HELLS: variants seen among roughly 807,000 people sequenced by gnomAD.
HELLS encodes helicase, lymphoid specific, also known as lymphoid-specific helicase.
HELLS carries 32 observed loss-of-function variants against 120.0 expected under a neutral mutation model. The ratio of observed to expected loss-of-function variants is 0.27; its 90% CI spans 0.20 to 0.36. HELLS has a LOEUF of 0.36. Ranked by LOEUF, HELLS falls within the 10% of genes least tolerant of loss-of-function variation. HELLS has a pLI of 1.00. For synonymous variants in HELLS, 341 were observed against 323.4 expected, an observed-to-expected ratio of 1.05 and a Z score of -0.58; for missense variants, 650 against 993.4, an observed-to-expected ratio of 0.65 and a Z score of 4.65.
chr10:94,576,682 T>C lies in HELLS; in HGVS notation c.909T>C (p.His303=). The change falls in exon 10 of 22, where the codon CAT becomes CAC. Residue 303 remains histidine (H), a synonymous_variant. Coordinates refer to ENST00000348459, the MANE Select transcript of HELLS (RefSeq NM_018063.5). The stretch of plus-strand genomic sequence containing the variant: ...TTCAGATCCCTACAATGTTATATCA[T>C]GGAACCCAGGAGGAACGTCAAAAAT... ...FTPDIPTMLY[H]GTQEERQKLV... is the part of the protein sequence containing the mutation. The C allele has an allele frequency of 6.2e-7, 1 of 1,604,106 alleles. No individual in the cohort carries two copies. Among genetic ancestry groups the C allele is most frequent in the Non-Finnish European group, 8.5e-7 (1 of 1,171,992 alleles).
intron 12 of HELLS, among the ~76,000 whole-genome samples, chr10:94,584,577 T>C (rs2134087932): frequency 6.6e-6 from 1 of 152,250 alleles, no homozygotes; most frequent in East Asian, 1.9e-4. Context: ...ATTAAGTTTC[T>C]GTTCTTAGGA....
chr10:94,566,327 G>A (rs1843794920), intron 6 of HELLS, among the ~76,000 whole-genome samples: 1 of 152,130 alleles, frequency 6.6e-6, no homozygotes, highest in Admixed American at 6.6e-5. Flanking sequence ...GGATTAATAG[G>A]GAAAGAGTAA....
intron 17 of HELLS, 30 bp from the exon 18 acceptor site, chr10:94,593,469 C>A: frequency 7.7e-7 from 1 of 1,293,140 alleles, no homozygotes; most frequent in South Asian, 1.2e-5. Flanking sequence ...TTATTTTAAT[C>A]TGTTGTATTT....
At position 94,575,493 on chromosome 10, in the gene HELLS, A is replaced by ATTAT. The variant is rs1356549258; in HGVS notation, c.888+772_888+775dup. Among the ~76,000 whole-genome samples the ATTAT allele has an allele frequency of 5.3e-5, 8 of 150,604 alleles. No homozygotes were observed. The South Asian group carries it at 1.2e-3, about 23-fold the overall frequency. Reference sequence around the variant, plus strand: ...TCTCATTTTATATATTTATATATATATTATTTATTTATTTATTTTGAAATG... The same window carrying ATTAT: ...TCTCATTTTATATATTTATATATATATTATTTATTTATTTATTTATTTTGAAATG... On this transcript the variant is annotated intron_variant, in intron 9 of 21. Transcript: ENST00000348459.
chr10:94,556,881 A>G (rs1843294422), intron 3 of HELLS, among the ~76,000 whole-genome samples: 1 of 152,158 alleles, frequency 6.6e-6, no homozygotes, highest in Non-Finnish European at 1.5e-5. Flanking sequence ...ATATGTCTGT[A>G]AGCAATTTGA....
At chr10:94,600,630 A>G (rs1056829523) in intron 21 of HELLS, among the ~76,000 whole-genome samples, 1 of 152,166 alleles carries the variant, frequency 6.6e-6, no homozygotes, top group African/African-American at 2.4e-5. Context: ...TAGGGGAAAA[A>G]TTAACTTAGA....
intron 8 of HELLS, 47 bp from the exon 9 acceptor site, chr10:94,574,507 A>G: frequency 7.6e-7 from 1 of 1,317,326 alleles, no homozygotes. Flanking sequence ...GTAATCCTGT[A>G]GTTGTTTATA....
intron 19 of HELLS, among the ~76,000 whole-genome samples, chr10:94,595,358 A>G (rs182961441): frequency 9.8e-5 from 15 of 152,332 alleles, no homozygotes; most frequent in Admixed American, 9.8e-4. Flanking sequence ...TATGTAGATG[A>G]AGAGCAGATG....
intron 2 of HELLS, among the ~76,000 whole-genome samples, chr10:94,550,764 C>T (rs1842946149): frequency 6.6e-6 from 1 of 152,042 alleles, no homozygotes; most frequent in African/African-American, 2.4e-5. Flanking sequence ...TGGCACGCGC[C>T]TATAGTCCTA....
intron 4 of HELLS, among the ~76,000 whole-genome samples, chr10:94,558,514 C>G (rs1002367561): frequency 1.3e-5 from 2 of 152,116 alleles, no homozygotes; most frequent in African/African-American, 4.8e-5. Context: ...TCTTTGAAAC[C>G]TGTAATGAAG....
intron 6 of HELLS, among the ~76,000 whole-genome samples, chr10:94,566,032 A>G (rs1843780232): frequency 1.3e-5 from 2 of 151,964 alleles, no homozygotes; most frequent in African/African-American, 2.4e-5. Flanking sequence ...AGCAGGGACT[A>G]CATGCCTGTG....
intron 15 of HELLS, 102 bp downstream of exon 15, chr10:94,590,878 G>A: frequency 1.6e-6 from 1 of 623,764 alleles, no homozygotes; most frequent in Non-Finnish European, 2.5e-6. Flanking sequence ...AATAAGTATG[G>A]TGCTATTTGT....
Sources: allele counts gnomAD v4.1 joint callset (sites outside exome capture counted in the v4.1 genomes callset), GRCh38; gene constraint gnomAD v4.1.1; transcripts MANE v1.5; gene names NCBI Gene and HGNC (gene_info 2026-07-23, HGNC 2026-07-21).